The following DSC3 variants were observed in gnomAD, a reference collection of about 807,000 sequenced individuals.
DSC3 encodes desmocollin 3.
In DSC3, 97 loss-of-function variants were observed where a neutral mutation model predicts 89.5. That is an observed-to-expected ratio of 1.08 (90% CI 0.92 to 1.28). DSC3 has a LOEUF of 1.28. DSC3 is among the 50% of genes most tolerant of loss of function. The pLI, the probability that DSC3 is intolerant of heterozygous loss-of-function variation, is 0.00. For missense variants in DSC3, 1,199 were observed against 1,085.3 expected (o/e 1.10, Z -1.47); for synonymous variants, 436 against 384.1 (o/e 1.14, Z -1.58).
rs2073692807 is a variant in DSC3 at position 31,025,741 on chromosome 18, A to T, written c.630+19T>A. The stretch of plus-strand genomic sequence containing the variant: ...ATAGTTTAATAATTTAAAGTCAGGC[A>T]TATCAATAAAAGTCCTACATCAAAA... On this transcript the variant is annotated intron_variant, in intron 5 of 15. Coordinates refer to ENST00000360428, the MANE Select transcript of DSC3 (RefSeq NM_001941.5). 2 of 1,610,618 alleles carry T rather than the reference A, an allele frequency of 1.2e-6. No individual in the cohort carries two copies. The highest frequency in any genetic ancestry group is 1.1e-5 in the South Asian group (1 of 91,000).
chr18:31,025,707 A>G (rs1328957684), intron 5 of DSC3, 53 bp downstream of exon 5: 1 of 1,562,642 alleles, frequency 6.4e-7, no homozygotes, highest in Non-Finnish European at 8.8e-7. Context: ...AGTAAGCATC[A>G]GAAGAAACAT....
At chr18:31,019,813 T>C (rs1985359757) in intron 7 of DSC3, among the ~76,000 whole-genome samples, 1 of 151,894 alleles carries the variant, frequency 6.6e-6, no homozygotes, top group Admixed American at 6.6e-5. Context: ...AATAAATAAA[T>C]AGGGCAAGTG....
chr18:31,032,123 T>TTA, intron 2 of DSC3, 69 bp downstream of exon 2: 1 of 1,107,172 alleles, frequency 9.0e-7, no homozygotes. Flanking sequence ...GGCAAAGGTA[T>TTA]TATATCATGC....
chr18:31,008,798 C>T (rs1333586185), intron 9 of DSC3, among the ~76,000 whole-genome samples: 1 of 152,142 alleles, frequency 6.6e-6, no homozygotes, highest in Non-Finnish European at 1.5e-5. Context: ...AGGAAAATTA[C>T]TCTGATTCAA....
chr18:31,021,055 TG>T (rs906764365), intron 7 of DSC3, among the ~76,000 whole-genome samples: 18 of 146,030 alleles, frequency 1.2e-4, no homozygotes, highest in African/African-American at 4.7e-4. Flanking sequence ...CTAAATTCAC[TG>T]TTTTTTTTTT....
At position 31,008,307 on chromosome 18, in the gene DSC3, C is replaced by T. The variant is rs760347803; in HGVS notation, c.1482G>A (p.Lys494=). 3 of 1,613,832 alleles carry T rather than the reference C, an allele frequency of 1.9e-6. No individual in the cohort carries two copies. The highest frequency in any genetic ancestry group is 2.5e-6 in the Non-Finnish European group (3 of 1,179,996). Residue 494 remains lysine (K), a synonymous_variant, in exon 10 of 16, where the codon AAG becomes AAA. Transcript: ENST00000360428. ...LAVGSKINGY[K]AYDPENRNGN... ...CATTTCTATTTTCGGGGTCATATGC[C>T]TTATAGCCGTTGATCTTTGACCCCA...
At chr18:31,026,900 G>T (rs187573971) in intron 4 of DSC3, among the ~76,000 whole-genome samples, 1 of 152,246 alleles carries the variant, frequency 6.6e-6, no homozygotes, top group Admixed American at 6.5e-5. Context: ...GGACACAGAG[G>T]TGAGCCATCT....
chr18:31,009,149 C>G (rs1012116824), intron 9 of DSC3, among the ~76,000 whole-genome samples: 2 of 152,168 alleles, frequency 1.3e-5, no homozygotes, highest in Admixed American at 6.5e-5. Flanking sequence ...CTCTTTGGTT[C>G]AAGCGATTCT....
intron 13 of DSC3, among the ~76,000 whole-genome samples, chr18:31,003,893 GT>G (rs1055707692): frequency 6.6e-6 from 1 of 152,130 alleles, no homozygotes; most frequent in Non-Finnish European, 1.5e-5. Flanking sequence ...AAGACTATTT[GT>G]TTGTCAGATT....
chr18:31,020,929 G>A (rs534103081), intron 7 of DSC3, among the ~76,000 whole-genome samples: 8 of 152,160 alleles, frequency 5.3e-5, no homozygotes, highest in African/African-American at 1.7e-4. Context: ...GCAAGAGAGC[G>A]AGACCCTCTC....
intron 1 of DSC3, among the ~76,000 whole-genome samples, chr18:31,038,724 T>C (rs1461789730): frequency 6.6e-6 from 1 of 152,112 alleles, no homozygotes; most frequent in African/African-American, 2.4e-5. Context: ...CATGTGTGTG[T>C]TTTAATAAAT....
At position 30,994,152 on chromosome 18, in the gene DSC3, G is replaced by T. The variant is rs1205568051; in HGVS notation, c.*23C>A. 2 of 1,607,544 alleles carry T rather than the reference G, an allele frequency of 1.2e-6. No individual in the cohort carries two copies. The highest frequency in any genetic ancestry group is 1.7e-6 in the Non-Finnish European group (2 of 1,174,158). ...GGAAACCTCCAGAATGTCTGACAAAGACCTAATTGTAGCACTGTGACATTA... is the reference window on the plus strand; with the variant it reads ...GGAAACCTCCAGAATGTCTGACAAATACCTAATTGTAGCACTGTGACATTA... On this transcript the variant is annotated 3_prime_UTR_variant, in exon 16 of 16. Coordinates refer to ENST00000360428, the MANE Select transcript of DSC3 (RefSeq NM_001941.5).
intron 13 of DSC3, among the ~76,000 whole-genome samples, chr18:31,002,851 T>C (rs930460517): frequency 6.6e-6 from 1 of 152,232 alleles, no homozygotes; most frequent in Non-Finnish European, 1.5e-5. Flanking sequence ...ACAGATTTGA[T>C]TGGATACAAT....
intron 15 of DSC3, among the ~76,000 whole-genome samples, chr18:30,996,287 A>T (rs1293870197): frequency 1.3e-5 from 2 of 152,198 alleles, no homozygotes; most frequent in Admixed American, 6.5e-5. Context: ...ATCATTCTAC[A>T]TTGCAGACAT....
intron 6 of DSC3, among the ~76,000 whole-genome samples, chr18:31,023,288 C>T (rs952690019): frequency 5.9e-5 from 9 of 152,070 alleles, no homozygotes; most frequent in Non-Finnish European, 1.0e-4. Context: ...GTAATGAACT[C>T]CTTTTACAAG....
chr18:31,018,230 T>C lies in DSC3; in HGVS notation c.1104A>G (p.Ala368=), dbSNP rs1209261718. ...GTATTCGTAAGATTTCCACATTGAA[T>C]GCATTTTCCTCTACAAATGCTTCAT... The part of the protein sequence containing the change: ...NAYEAFVEEN[A]FNVEILRIPI... The change falls in exon 9 of 16, where the codon GCA becomes GCG. Residue 368 remains alanine, a synonymous_variant. Coordinates refer to ENST00000360428, the MANE Select transcript of DSC3 (RefSeq NM_001941.5). The C allele has an allele frequency of 1.2e-6, 2 of 1,611,634 alleles. No homozygotes were observed. The highest frequency in any genetic ancestry group is 1.7e-6 in the Non-Finnish European group (2 of 1,179,038).
At chr18:30,994,444 T>C (rs1423174994) in intron 15 of DSC3, 72 bp from the exon 16 acceptor site, 1 of 1,593,690 alleles carries the variant, frequency 6.3e-7, no homozygotes, top group Non-Finnish European at 8.6e-7. Flanking sequence ...TAAAATTTAT[T>C]TTTATTTACC....
chr18:31,034,017 A>G (rs166725), intron 1 of DSC3, among the ~76,000 whole-genome samples: 81,755 of 151,850 alleles, frequency 0.54, 22,598 homozygotes, highest in East Asian at 0.88. Flanking sequence ...AGTGGAGACG[A>G]GGTTTCACCG....
At chr18:30,998,056 G>C (rs898536035) in intron 14 of DSC3, among the ~76,000 whole-genome samples, 2 of 152,220 alleles carry the variant, frequency 1.3e-5, no homozygotes, top group African/African-American at 2.4e-5. Flanking sequence ...CAGGGACTGT[G>C]AAGAATTTTA....
Sources: allele counts gnomAD v4.1 joint callset (sites outside exome capture counted in the v4.1 genomes callset), GRCh38; gene constraint gnomAD v4.1.1; transcripts MANE v1.5; gene names NCBI Gene and HGNC (gene_info 2026-07-23, HGNC 2026-07-21).